BCR: variants seen among roughly 807,000 people sequenced by gnomAD.
BCR encodes BCR activator of RhoGEF and GTPase.
BCR carries 58 observed loss-of-function variants against 138.6 expected under a neutral mutation model. The ratio of observed to expected loss-of-function variants is 0.42; its 90% CI spans 0.34 to 0.52. The LOEUF (loss-of-function observed/expected upper bound fraction) is 0.52. Ranked by LOEUF, BCR falls within the 20% of genes least tolerant of loss-of-function variation. The probability of loss-of-function intolerance (pLI) is 0.06; values close to 1 mark genes in which losing one functional copy is unlikely to be tolerated. For synonymous variants in BCR, 786 were observed against 730.1 expected, an observed-to-expected ratio of 1.08 and a Z score of -1.23; for missense variants, 1,599 against 1,727.2, an observed-to-expected ratio of 0.93 and a Z score of 1.32.
intron 1 of BCR, among the ~76,000 whole-genome samples, chr22:23,190,968 T>C (rs1296287087): frequency 2.0e-5 from 3 of 152,216 alleles, no homozygotes; most frequent in African/African-American, 7.2e-5. Flanking sequence ...GGTCTCGCTC[T>C]GTTGCCCAGG....
intron 1 of BCR, among the ~76,000 whole-genome samples, chr22:23,252,759 C>A (rs555993214): frequency 2.6e-5 from 4 of 152,292 alleles, no homozygotes; most frequent in African/African-American, 9.6e-5. Flanking sequence ...GCAACCCAAC[C>A]CCCCTGTATG....
intron 2 of BCR, among the ~76,000 whole-genome samples, chr22:23,258,924 G>A (rs982448053): frequency 5.3e-5 from 8 of 152,232 alleles, no homozygotes; most frequent in African/African-American, 1.7e-4. Flanking sequence ...CACAGACACC[G>A]GACCTGGCAC....
At chr22:23,304,619 A>G (rs1265526733) in intron 16 of BCR, among the ~76,000 whole-genome samples, 2 of 152,018 alleles carry the variant, frequency 1.3e-5, no homozygotes, top group East Asian at 3.9e-4. Flanking sequence ...TGGGCTGTGC[A>G]ACAAGGTGAC....
chr22:23,219,793 A>G lies in BCR; in HGVS notation c.1280-34006A>G, dbSNP rs570724401. Among the ~76,000 whole-genome samples, 10 of 152,096 alleles carry G rather than the reference A, an allele frequency of 6.6e-5. 1 individual carries two copies. In the East Asian group the frequency reaches 9.7e-4, roughly 15 times the overall value. ...GTCCTCTGTGTCCAGCTTTGAGGCT[A>G]CTTTCTGCAGTCACCACTATTATCC... On this transcript the variant is annotated intron_variant, in intron 1 of 22. Transcript: ENST00000305877.
At position 23,233,846 on chromosome 22, in the gene BCR, T is replaced by C. The variant is rs540559572; in HGVS notation, c.1280-19953T>C. On this transcript the variant is annotated intron_variant, in intron 1 of 22. Coordinates refer to ENST00000305877, the MANE Select transcript of BCR (RefSeq NM_004327.4). ...AAAAGAAGAACATGGTGACTTCACC[T>C]GCCCAGGGAGGCGTGCCAGCCAGGG... Among the ~76,000 whole-genome samples the C allele has an allele frequency of 3.6e-4, 54 of 149,482 alleles. 1 individual carries two copies. Among genetic ancestry groups the C allele is most frequent in the Non-Finnish European group, 7.7e-4 (52 of 67,638 alleles).
intron 1 of BCR, among the ~76,000 whole-genome samples, chr22:23,234,495 C>T (rs946275689): frequency 2.0e-5 from 3 of 152,166 alleles, no homozygotes; most frequent in Middle Eastern, 3.4e-3. Context: ...TGGGCTGTAG[C>T]GTAGGTGGAG....
intron 2 of BCR, among the ~76,000 whole-genome samples, chr22:23,254,233 GAA>G (rs1243960823): frequency 6.6e-6 from 1 of 152,122 alleles, no homozygotes; most frequent in Non-Finnish European, 1.5e-5. Flanking sequence ...TTGAGGCTGA[GAA>G]TGTCAGCACC....
intron 15 of BCR, among the ~76,000 whole-genome samples, chr22:23,293,012 G>A (rs12106561): frequency 0.026 from 4,009 of 152,074 alleles, 184 homozygotes; most frequent in African/African-American, 0.092. Context: ...GGAAGCCTGG[G>A]GCTCTGCTGG....
chr22:23,288,218 G>A, intron 12 of BCR, 46 bp downstream of exon 12: 12 of 1,559,492 alleles, frequency 7.7e-6, no homozygotes, highest in Non-Finnish European at 1.1e-5. Flanking sequence ...AAACCATTAG[G>A]GCCAGGCTGG....
intron 16 of BCR, chr22:23,306,030 A>G (rs2073951547): frequency 1.3e-5 from 2 of 152,248 alleles, no homozygotes; most frequent in South Asian, 4.1e-4. Context: ...GAGCTGAGGC[A>G]CAGGCCTCAT....
At chr22:23,219,390 T>A (rs1326129976) in intron 1 of BCR, among the ~76,000 whole-genome samples, 1 of 152,194 alleles carries the variant, frequency 6.6e-6, no homozygotes, top group Non-Finnish European at 1.5e-5. Context: ...CCACCATGGC[T>A]CCAGAGTCAT....
At chr22:23,250,358 G>A (rs2146264310) in intron 1 of BCR, among the ~76,000 whole-genome samples, 1 of 152,332 alleles carries the variant, frequency 6.6e-6, no homozygotes, top group Middle Eastern at 3.4e-3. Flanking sequence ...TTAAAAGCTG[G>A]TCTAACCCAC....
At chr22:23,290,085 T>C (rs757696395) in intron 13 of BCR, 23 of 565,278 alleles carry the variant, frequency 4.1e-5, no homozygotes, top group Non-Finnish European at 6.4e-5. Flanking sequence ...CCCGACCCCC[T>C]CTGCTGTCCT....
At chr22:23,247,663 G>A (rs1454944869) in intron 1 of BCR, among the ~76,000 whole-genome samples, 2 of 152,180 alleles carry the variant, frequency 1.3e-5, no homozygotes, top group Admixed American at 1.3e-4. Context: ...ATCTGGCCTG[G>A]GAGAGCCTCT....
Position 23,181,977 on chromosome 22 carries a change from C to G in BCR, c.1017C>G (p.Thr339=). 1 of 1,613,408 alleles carries G rather than the reference C, an allele frequency of 6.2e-7. No individual in the cohort carries two copies. Among genetic ancestry groups the G allele is most frequent in the African/African-American group, 1.3e-5 (1 of 75,070 alleles). ...TPDCSSNENL[T]SSEEDFSSGQ... is the part of the protein sequence containing the mutation. ...ACTGCAGCTCCAATGAGAACCTCAC[C>G]TCCAGCGAGGAGGACTTCTCCTCTG... is the stretch of plus-strand genomic sequence containing the variant. Residue 339 remains threonine (T), a synonymous_variant, in exon 1 of 23, where the codon ACC becomes ACG. Coordinates refer to ENST00000305877, the MANE Select transcript of BCR (RefSeq NM_004327.4).
chr22:23,185,433 A>G (rs905045862), intron 1 of BCR, among the ~76,000 whole-genome samples: 9 of 152,132 alleles, frequency 5.9e-5, no homozygotes, highest in Admixed American at 5.9e-4. Context: ...AGGGAGTCCA[A>G]GGCGGGTGGA....
At position 23,200,381 on chromosome 22, in the gene BCR, C is replaced by G. The variant is rs567590890; in HGVS notation, c.1279+18142C>G. 3.8e-3 allele frequency among the ~76,000 whole-genome samples: 571 copies of G among 152,072 alleles called. 4 individuals are homozygous for G. The highest frequency in any genetic ancestry group is 6.3e-3 in the Non-Finnish European group (429 of 67,968). ...GCCCAGGCTGGTGCAGTGGCACACT[C>G]ACAACTCACTGCAGCCTCAACCTCC... On this transcript the variant is annotated intron_variant, in intron 1 of 22. Coordinates refer to ENST00000305877, the MANE Select transcript of BCR (RefSeq NM_004327.4).
intron 1 of BCR, chr22:23,199,089 G>A (rs1266206106): frequency 2.2e-5 from 7 of 313,420 alleles, no homozygotes; most frequent in Admixed American, 4.3e-5. Flanking sequence ...ACCATTGCAC[G>A]CCAGCCAAGG....
rs913399805 is a variant in BCR, at chr22:23,273,071, C to G, written c.1922-10C>G. On this transcript the variant is annotated splice_polypyrimidine_tract_variant and intron_variant, in intron 6 of 22. Transcript: ENST00000305877. The stretch of plus-strand genomic sequence containing the variant: ...GTGCAACCTCTCTCACCTCCCCTCT[C>G]TCTCCACAGCTCTGCTCTACAAGCC... 6.2e-7 allele frequency: 1 copy of G among 1,611,932 alleles called. No individual in the cohort carries two copies. The highest frequency in any genetic ancestry group is 1.3e-5 in the African/African-American group (1 of 74,906).
Sources: allele counts gnomAD v4.1 joint callset (sites outside exome capture counted in the v4.1 genomes callset), GRCh38; gene constraint gnomAD v4.1.1; transcripts MANE v1.5; gene names NCBI Gene and HGNC (gene_info 2026-07-23, HGNC 2026-07-21).